NXPE1: variants seen among roughly 807,000 people sequenced by gnomAD.
NXPE1 encodes the protein neurexophilin and PC-esterase domain family member 1.
In NXPE1, 31 loss-of-function variants were observed where a neutral mutation model predicts 33.3. The observed-to-expected ratio is 0.93, with a 90% CI of 0.70 to 1.26. NXPE1 has a LOEUF of 1.26. Ranked by LOEUF, NXPE1 falls within the 50% of genes most tolerant of loss-of-function variation. The pLI, the probability that NXPE1 is intolerant of heterozygous loss-of-function variation, is 0.00. For missense variants in NXPE1, 661 were observed against 655.6 expected (o/e 1.01, Z -0.09); for synonymous variants, 229 against 231.4 (o/e 0.99, Z 0.09).
intron 5 of NXPE1, among the ~76,000 whole-genome samples, chr11:114,534,135 G>T (rs979865180): frequency 2.0e-5 from 3 of 152,172 alleles, no homozygotes; most frequent in Non-Finnish European, 4.4e-5. Context: ...ACCAATATCC[G>T]CTGTTCTGCA....
intron 5 of NXPE1, among the ~76,000 whole-genome samples, chr11:114,532,114 T>G (rs1234537620): frequency 6.6e-6 from 1 of 152,124 alleles, no homozygotes; most frequent in Non-Finnish European, 1.5e-5. Context: ...TGAAAAAAAT[T>G]CAGGCCTGGC....
intron 6 of NXPE1, 132 bp downstream of exon 6, chr11:114,530,043 A>G (rs1444094651): frequency 2.1e-6 from 2 of 930,274 alleles, no homozygotes; most frequent in East Asian, 2.4e-5. Flanking sequence ...AGAGGCCCCA[A>G]GAAGACACCA....
chr11:114,550,062 A>T (rs1948420913), intron 5 of NXPE1, among the ~76,000 whole-genome samples: 2 of 152,110 alleles, frequency 1.3e-5, no homozygotes, highest in Non-Finnish European at 2.9e-5. Context: ...ACTGAAGAAA[A>T]CAAAATTGAA....
intron 5 of NXPE1, among the ~76,000 whole-genome samples, chr11:114,546,849 A>G (rs1948301362): frequency 6.6e-6 from 1 of 152,182 alleles, no homozygotes; most frequent in Non-Finnish European, 1.5e-5. Flanking sequence ...CACAGGAACC[A>G]ATGGAAAGAG....
intron 6 of NXPE1, chr11:114,529,804 T>C (rs1947507747): frequency 5.0e-6 from 1 of 199,074 alleles, no homozygotes; most frequent in African/African-American, 2.3e-5. Flanking sequence ...TGAACTTGAA[T>C]AGCAGCACTG....
intron 5 of NXPE1, among the ~76,000 whole-genome samples, chr11:114,545,977 C>T (rs1013764496): frequency 6.6e-6 from 1 of 152,144 alleles, no homozygotes; most frequent in African/African-American, 2.4e-5. Flanking sequence ...GCATGAGCCA[C>T]TGCCCCTGGC....
rs578118192 is a variant in NXPE1 at position 114,559,385 on chromosome 11, T to C, written c.-211+413A>G. Among the ~76,000 whole-genome samples the C allele has an allele frequency of 1.1e-4, 17 of 152,304 alleles. No individual in the cohort carries two copies. In the South Asian group the frequency reaches 3.1e-3, roughly 28 times the overall value. On this transcript the variant is annotated intron_variant, in intron 1 of 8. Coordinates refer to ENST00000534921, the Ensembl canonical transcript of NXPE1. ...TCATACATTTTCCACCCAAACAATG[T>C]CATACATAAAACAAGGCAAAGAAAT...
intron 5 of NXPE1, among the ~76,000 whole-genome samples, chr11:114,546,750 C>A (rs1411703998): frequency 6.6e-6 from 1 of 151,986 alleles, no homozygotes; most frequent in Non-Finnish European, 1.5e-5. Flanking sequence ...GATTCTAGGG[C>A]TGGGGCAGGG....
chr11:114,557,051 C>T (rs1205929110), intron 1 of NXPE1, among the ~76,000 whole-genome samples: 1 of 151,972 alleles, frequency 6.6e-6, no homozygotes, highest in Non-Finnish European at 1.5e-5. Flanking sequence ...AGCCACCACA[C>T]CTGGCCAATT....
chr11:114,533,482 C>T lies in NXPE1; in HGVS notation c.100-2574G>A, dbSNP rs867637473. ...ACACCGTGCATGAGCTGAAGCAGGGCGAGGCATCGCCTCACCCGGGAAGCA... is the reference window on the plus strand; with the variant it reads ...ACACCGTGCATGAGCTGAAGCAGGGTGAGGCATCGCCTCACCCGGGAAGCA... On this transcript the variant is annotated intron_variant, in intron 5 of 8. Transcript: ENST00000534921. Among the ~76,000 whole-genome samples the T allele has an allele frequency of 9.9e-5, 15 of 152,132 alleles. No homozygotes were observed. In the South Asian group the frequency reaches 1.0e-3, roughly 10 times the overall value.
intron 7 of NXPE1, among the ~76,000 whole-genome samples, chr11:114,526,251 T>A (rs1591257009): frequency 6.6e-6 from 1 of 152,216 alleles, no homozygotes; most frequent in Admixed American, 6.5e-5. Flanking sequence ...GAGACCAGCA[T>A]TGGACATCTG....
rs746197216 is a variant in NXPE1, at chr11:114,522,431, G to A, written c.1181C>T (p.Thr394Ile). 12 of 1,613,732 alleles carry A rather than the reference G, an allele frequency of 7.4e-6. No individual in the cohort carries two copies. Among genetic ancestry groups the A allele is most frequent in the Non-Finnish European group, 9.3e-6 (11 of 1,179,834 alleles). The change falls in exon 9 of 9, where the codon ACT becomes ATT. Residue 394 changes from threonine (T) to isoleucine (I), a missense_variant. By Grantham distance (89) the Thr-to-Ile change is moderately conservative. Coordinates refer to ENST00000534921, the Ensembl canonical transcript of NXPE1. The stretch of plus-strand genomic sequence containing the variant: ...GCTATGTTTTTTCCATTGAATCTGA[G>A]TGTGTCTTTCTGCATCCAGAAGCAA...
At chr11:114,537,201 G>T (rs1947864478) in intron 5 of NXPE1, among the ~76,000 whole-genome samples, 1 of 152,182 alleles carries the variant, frequency 6.6e-6, no homozygotes, top group Non-Finnish European at 1.5e-5. Flanking sequence ...CTCAATAGAT[G>T]CAGAAAGGGC....
chr11:114,551,327 A>T, intron 4 of NXPE1, 56 bp downstream of exon 4: 1 of 1,379,566 alleles, frequency 7.2e-7, no homozygotes, highest in South Asian at 1.6e-5. Context: ...TTTGTGAGTC[A>T]CTGTCTTCTT....
exon 6 of NXPE1, chr11:114,530,351 T>C: frequency 6.2e-7 from 1 of 1,614,202 alleles, no homozygotes; most frequent in East Asian, 2.2e-5. Context: ...TCAGGCCACA[T>C]TCAGTGAAGA....
intron 5 of NXPE1, among the ~76,000 whole-genome samples, chr11:114,538,036 A>C (rs982370695): frequency 6.6e-6 from 1 of 152,242 alleles, no homozygotes; most frequent in Non-Finnish European, 1.5e-5. Flanking sequence ...CTATACTACA[A>C]GGCTACAGTA....
At chr11:114,521,838 C>A in exon 9 of NXPE1, 1 of 695,740 alleles carries the variant, frequency 1.4e-6, no homozygotes, top group Non-Finnish European at 2.4e-6. Flanking sequence ...CCTTACATAG[C>A]CTTCCTCCCC....
At chr11:114,532,742 TA>T (rs1202416966) in intron 5 of NXPE1, among the ~76,000 whole-genome samples, 1 of 152,194 alleles carries the variant, frequency 6.6e-6, no homozygotes, top group Non-Finnish European at 1.5e-5. Context: ...CATATACATA[TA>T]AAAGTATATA....
chr11:114,559,455 A>C (rs1353635427), intron 1 of NXPE1, among the ~76,000 whole-genome samples: 1 of 152,180 alleles, frequency 6.6e-6, no homozygotes, highest in African/African-American at 2.4e-5. Context: ...TCCTCTCTCC[A>C]ACTAGATGTT....
Sources: allele counts gnomAD v4.1 joint callset (sites outside exome capture counted in the v4.1 genomes callset), GRCh38; gene constraint gnomAD v4.1.1; transcripts MANE v1.5; gene names NCBI Gene and HGNC (gene_info 2026-07-23, HGNC 2026-07-21).